The following CDH23 variants were observed in gnomAD, a reference collection of about 807,000 sequenced individuals.
CDH23 encodes the protein cadherin related 23.
A neutral mutation model predicts 317.1 loss-of-function variants in CDH23; 189 were observed. The observed-to-expected ratio is 0.60, with a 90% CI of 0.53 to 0.67. The LOEUF (loss-of-function observed/expected upper bound fraction) is 0.67. CDH23 is among the 30% of genes least tolerant of loss of function. The pLI, the probability that CDH23 is intolerant of heterozygous loss-of-function variation, is 0.00. For synonymous variants in CDH23, 1,839 were observed against 1,876.8 expected (o/e 0.98, Z 0.52); for missense variants, 4,401 against 4,592.4 (o/e 0.96, Z 1.20).
intron 6 of CDH23, among the ~76,000 whole-genome samples, chr10:71,521,471 G>A (rs147669327): frequency 1.2e-3 from 183 of 152,298 alleles, no homozygotes; most frequent in African/African-American, 4.1e-3. Flanking sequence ...TTGAGCCCCT[G>A]GTGTTCCTGT....
chr10:71,581,634 C>T (rs1171926741), intron 9 of CDH23, among the ~76,000 whole-genome samples: 2 of 152,266 alleles, frequency 1.3e-5, no homozygotes, highest in African/African-American at 2.4e-5. Context: ...TCAATTTGTT[C>T]TCAGCCCTTT....
At chr10:71,639,490 T>C (rs557049659) in intron 11 of CDH23, among the ~76,000 whole-genome samples, 11 of 152,300 alleles carry the variant, frequency 7.2e-5, no homozygotes, top group Admixed American at 2.0e-4. Context: ...AGGGGTTCAC[T>C]ATGCCAGCTC....
intron 18 of CDH23, among the ~76,000 whole-genome samples, chr10:71,684,238 A>T (rs1282634672): frequency 6.6e-6 from 1 of 151,974 alleles, no homozygotes; most frequent in East Asian, 1.9e-4. Flanking sequence ...GACCCTGACC[A>T]CATCACCTAA....
At chr10:71,724,771 C>T (rs540023671) in intron 29 of CDH23, among the ~76,000 whole-genome samples, 15 of 152,356 alleles carry the variant, frequency 9.8e-5, no homozygotes, top group African/African-American at 2.9e-4. Context: ...CTGAACCAAT[C>T]GCTATGGCCA....
In CDH23 at chr10:71,695,486, C is replaced by T; in HGVS notation, c.2358C>T (p.Asn786=). 1 of 1,613,596 alleles carries T rather than the reference C, an allele frequency of 6.2e-7. No individual in the cohort carries two copies. The highest frequency in any genetic ancestry group is 8.5e-7 in the Non-Finnish European group (1 of 1,179,514). ...PTWKDAPYYI[N]LVEMTPPDSD... The stretch of plus-strand genomic sequence containing the variant: ...GGAAGGACGCACCCTACTACATCAA[C>T]CTGGTGGAGATGACCCCTCCAGACT... The change falls in exon 22 of 70, where the codon AAC becomes AAT. Residue 786 remains asparagine (N), a synonymous_variant. Coordinates refer to ENST00000224721, the MANE Select transcript of CDH23 (RefSeq NM_022124.6).
Position 71,815,145 on chromosome 10 carries a change from C to G in CDH23, c.9932C>G (p.Ser3311Trp), listed in dbSNP as rs754146004. 1 of 1,611,004 alleles carries G rather than the reference C, an allele frequency of 6.2e-7. No homozygotes were observed. Among genetic ancestry groups the G allele is most frequent in the Non-Finnish European group, 8.5e-7 (1 of 1,178,996 alleles). Residue 3311 changes from serine (S) to tryptophan (W), a missense_variant, in exon 70 of 70, where the codon TCG (serine) becomes TGG (tryptophan). By Grantham distance (177) the Ser-to-Trp change is radical. This residue lies in a region of CDH23 where 1,144 missense variants were observed against 1,138.2 expected (regional missense o/e 1.01). Transcript: ENST00000224721. ...GAAGACCAGAAGGGCCTGGGCCGCTCGCTGGAGACGCTGACCGCTGCCGAG... is the reference window on the plus strand; with the variant it reads ...GAAGACCAGAAGGGCCTGGGCCGCTGGCTGGAGACGCTGACCGCTGCCGAG... ...PEEDQKGLGR[S>W]LETLTAAEAT...
chr10:71,538,451 G>A (rs746446412), intron 6 of CDH23, among the ~76,000 whole-genome samples: 8 of 152,154 alleles, frequency 5.3e-5, no homozygotes, highest in Non-Finnish European at 7.3e-5. Context: ...AGGCCCAGAC[G>A]AGTGAAATGA....
At chr10:71,544,554 G>A (rs565157730) in intron 6 of CDH23, among the ~76,000 whole-genome samples, 1 of 152,354 alleles carries the variant, frequency 6.6e-6, no homozygotes, top group Admixed American at 6.5e-5. Context: ...AGCCACAGGA[G>A]TGGGAATGCT....
chr10:71,618,828 A>AGTGTGTGTGCACAC (rs1310566923), intron 11 of CDH23, among the ~76,000 whole-genome samples: 2 of 150,842 alleles, frequency 1.3e-5, no homozygotes, highest in Non-Finnish European at 2.9e-5. Flanking sequence ...TGTGTGCTCA[A>AGTGTGTGTGCACAC]GTGTGTGTGC....
rs748194042 is a variant in CDH23, at chr10:71,704,981, G to A, written c.2804G>A (p.Arg935His). The A allele has an allele frequency of 4.7e-5, 75 of 1,612,702 alleles. No homozygotes were observed. The highest frequency in any genetic ancestry group is 1.3e-4 in the South Asian group (12 of 91,084). The stretch of plus-strand genomic sequence containing the variant: ...TACCGCATGCCGGTGGGCATGCCCC[G>A]CATGGACTTCCTCATCAACAGCAGC... ...VSYRMPVGMP[R>H]MDFLINSSSG... Residue 935 changes from arginine (R) to histidine (H), a missense_variant, in exon 25 of 70, where the codon CGC becomes CAC. By Grantham distance (29) the Arg-to-His change is conservative (BLOSUM62 0). Coordinates refer to ENST00000224721, the MANE Select transcript of CDH23 (RefSeq NM_022124.6).
At chr10:71,616,494 C>T (rs1485183539) in intron 10 of CDH23, among the ~76,000 whole-genome samples, 2 of 152,350 alleles carry the variant, frequency 1.3e-5, no homozygotes, top group Non-Finnish European at 2.9e-5. Flanking sequence ...AGAGAGCTGC[C>T]CCCTGGTCCC....
chr10:71,734,969 G>A (rs1839516569), intron 34 of CDH23, among the ~76,000 whole-genome samples: 2 of 152,252 alleles, frequency 1.3e-5, no homozygotes, highest in Non-Finnish European at 2.9e-5. Flanking sequence ...CGATGGCTGT[G>A]TGACACAGGC....
intron 6 of CDH23, among the ~76,000 whole-genome samples, chr10:71,557,930 T>C (rs1856947707): frequency 6.6e-6 from 1 of 152,198 alleles, no homozygotes; most frequent in Non-Finnish European, 1.5e-5. Context: ...GTCCTTCAGA[T>C]CTGGGAGATT....
chr10:71,411,232 A>G (rs750608456), intron 1 of CDH23, among the ~76,000 whole-genome samples: 22 of 152,364 alleles, frequency 1.4e-4, no homozygotes, highest in Non-Finnish European at 2.5e-4. Flanking sequence ...GAAAATTGAC[A>G]TCTTTACAAT....
At chr10:71,490,388 G>A (rs1165904852) in intron 3 of CDH23, among the ~76,000 whole-genome samples, 1 of 152,136 alleles carries the variant, frequency 6.6e-6, no homozygotes, top group Admixed American at 6.5e-5. Flanking sequence ...TATGACTTTT[G>A]TTGATTCTCA....
At chr10:71,535,887 G>A (rs1855674343) in intron 6 of CDH23, among the ~76,000 whole-genome samples, 1 of 152,232 alleles carries the variant, frequency 6.6e-6, no homozygotes, top group Non-Finnish European at 1.5e-5. Flanking sequence ...GTTGAGTTGG[G>A]ACACAGGGAA....
At chr10:71,441,124 C>G (rs763171989) in intron 2 of CDH23, among the ~76,000 whole-genome samples, 1 of 152,152 alleles carries the variant, frequency 6.6e-6, no homozygotes, top group Non-Finnish European at 1.5e-5. Context: ...GCTTTTTTAA[C>G]TCCCAGCTCA....
intron 28 of CDH23, chr10:71,716,236 G>T (rs958353934): frequency 4.5e-6 from 7 of 1,550,250 alleles, no homozygotes; most frequent in African/African-American, 4.1e-5. Context: ...TGGGGAGGGG[G>T]TCAGTTGCCT....
At chr10:71,516,128 G>A (rs1854320978) in intron 6 of CDH23, among the ~76,000 whole-genome samples, 1 of 152,206 alleles carries the variant, frequency 6.6e-6, no homozygotes, top group Non-Finnish European at 1.5e-5. Flanking sequence ...AGGGACAGTG[G>A]CTAAGTGGGT....
Sources: gnomAD v4.1 joint callset for allele counts (sites outside exome capture counted in the v4.1 genomes callset) on GRCh38, gnomAD v4.1.1 for gene constraint, gnomAD v4.1.1 regional missense constraint, MANE v1.5 for transcripts, NCBI Gene and HGNC (gene_info 2026-07-23, HGNC 2026-07-21) for gene names.